NUP160: variants seen among roughly 807,000 people sequenced by gnomAD.
NUP160 encodes nuclear pore complex protein Nup160.
In NUP160, 94 loss-of-function variants were observed where a neutral mutation model predicts 196.9. That is an observed-to-expected ratio of 0.48 (90% CI 0.40 to 0.57). The LOEUF is 0.57. Ranked by LOEUF, NUP160 falls within the 20% of genes least tolerant of loss-of-function variation. NUP160 has a pLI of 0.00. For synonymous variants in NUP160, 605 were observed against 619.7 expected, an observed-to-expected ratio of 0.98 and a Z score of 0.35; for missense variants, 1,638 against 1,748.3, an observed-to-expected ratio of 0.94 and a Z score of 1.13.
chr11:47,843,857 C>T (rs1852351920), intron 2 of NUP160, among the ~76,000 whole-genome samples: 1 of 152,134 alleles, frequency 6.6e-6, no homozygotes. Context: ...TATCTTTAGC[C>T]CAACTTCTCC....
intron 21 of NUP160, 193 bp downstream of exon 21, chr11:47,804,356 G>A (rs2097676210): frequency 9.8e-6 from 5 of 512,182 alleles, no homozygotes; most frequent in Admixed American, 4.3e-5. Context: ...ATTTAGCTTC[G>A]TAGATCAGAC....
chr11:47,821,713 G>T lies in NUP160; in HGVS notation c.1277+11C>A. 1 of 1,590,716 alleles carries T rather than the reference G, an allele frequency of 6.3e-7. No individual in the cohort carries two copies. The highest frequency in any genetic ancestry group is 8.6e-7 in the Non-Finnish European group (1 of 1,159,040). Reference sequence around the variant, plus strand: ...GGGTGAGGTAGGATGACAGAATTAAGTGACCCATACTGTTCAAAGTTGATG... The same window carrying T: ...GGGTGAGGTAGGATGACAGAATTAATTGACCCATACTGTTCAAAGTTGATG... On this transcript the variant is annotated intron_variant, in intron 9 of 35. Transcript: ENST00000378460.
intron 9 of NUP160, among the ~76,000 whole-genome samples, chr11:47,820,689 T>C (rs1851839475): frequency 6.6e-6 from 1 of 152,100 alleles, no homozygotes; most frequent in Non-Finnish European, 1.5e-5. Flanking sequence ...GTAGCTGGGA[T>C]TACAGGCACA....
chr11:47,780,518 G>C (rs1192045153), intron 34 of NUP160, 71 bp from the exon 35 acceptor site: 4 of 925,656 alleles, frequency 4.3e-6, no homozygotes, highest in Non-Finnish European at 6.8e-6. Context: ...TGCTTTCATA[G>C]GACTCTGTAG....
chr11:47,801,823 C>G, exon 23 of NUP160: 1 of 1,613,998 alleles, frequency 6.2e-7, no homozygotes, highest in South Asian at 1.1e-5. Flanking sequence ...TGTCATAATA[C>G]TGCAGCCTGG....
chr11:47,818,316 G>A (rs1851779512), intron 10 of NUP160, among the ~76,000 whole-genome samples, 192 bp from the exon 11 acceptor site: 2 of 152,194 alleles, frequency 1.3e-5, no homozygotes, highest in Non-Finnish European at 2.9e-5. Context: ...GTCAACTAGA[G>A]GTACTATACT....
At chr11:47,841,694 T>C in intron 2 of NUP160, 1 of 299,512 alleles carries the variant, frequency 3.3e-6, no homozygotes. Context: ...TTTGTTTGTT[T>C]GTTTGTTTTT....
intron 2 of NUP160, among the ~76,000 whole-genome samples, chr11:47,847,537 G>A (rs1381235320): frequency 2.7e-5 from 4 of 150,422 alleles, no homozygotes; most frequent in Non-Finnish European, 5.9e-5. Context: ...AAGCTGTAAA[G>A]CACTATAAAA....
chr11:47,826,230 C>T (rs530145323), intron 7 of NUP160, among the ~76,000 whole-genome samples: 9 of 152,284 alleles, frequency 5.9e-5, no homozygotes, highest in African/African-American at 2.2e-4. Context: ...CTGCATCAGC[C>T]CCGAGTAGCC....
chr11:47,791,233 T>C (rs2135349244), intron 29 of NUP160, among the ~76,000 whole-genome samples: 1 of 152,276 alleles, frequency 6.6e-6, no homozygotes, highest in East Asian at 1.9e-4. Context: ...CCGGCCTCAA[T>C]CTACAGTAGA....
At chr11:47,803,142 A>AAATAAT (rs55654627) in intron 22 of NUP160, among the ~76,000 whole-genome samples, 18,464 of 138,864 alleles carry the variant, frequency 0.13, 1,353 homozygotes, top group Middle Eastern at 0.16. Flanking sequence ...TGATTTTACA[A>AAATAAT]AATAATAATA....
At chr11:47,808,212 C>T (rs935590654) in intron 18 of NUP160, among the ~76,000 whole-genome samples, 184 bp downstream of exon 18, 4 of 151,616 alleles carry the variant, frequency 2.6e-5, no homozygotes, top group East Asian at 1.9e-4. Flanking sequence ...ACCTGGGAGG[C>T]GGAGGTTGCA....
chr11:47,837,665 A>G, intron 4 of NUP160, 42 bp from the exon 5 acceptor site: 1 of 1,466,220 alleles, frequency 6.8e-7, no homozygotes, highest in Non-Finnish European at 9.6e-7. Flanking sequence ...CACTTAGAGA[A>G]ACCCAAAGGC....
chr11:47,844,997 G>A (rs1343039928), intron 2 of NUP160, among the ~76,000 whole-genome samples: 1 of 152,302 alleles, frequency 6.6e-6, no homozygotes, highest in East Asian at 1.9e-4. Context: ...AAATGCCATG[G>A]CAACATCAGG....
At chr11:47,813,163 T>C (rs1467658535) in intron 14 of NUP160, 116 bp from the exon 15 acceptor site, 3 of 976,714 alleles carry the variant, frequency 3.1e-6, no homozygotes, top group African/African-American at 1.6e-5. Context: ...GTCTCAGAGA[T>C]GCTTTGGTCT....
Position 47,779,203 on chromosome 11 carries a change from G to C in NUP160, c.4222-9C>G. The C allele has an allele frequency of 6.4e-7, 1 of 1,556,874 alleles. No homozygotes were observed. The highest frequency in any genetic ancestry group is 8.8e-7 in the Non-Finnish European group (1 of 1,130,398). ...AGTATTTTCTGGGACAGCTATAAGA[G>C]AAAAGAAGGAAAACATTACATAACA... On this transcript the variant is annotated splice_polypyrimidine_tract_variant and intron_variant, in intron 35 of 35. Coordinates refer to ENST00000378460, the Ensembl canonical transcript of NUP160.
intron 7 of NUP160, among the ~76,000 whole-genome samples, chr11:47,835,364 A>G (rs1277060094): frequency 3.9e-5 from 6 of 152,218 alleles, no homozygotes; most frequent in Non-Finnish European, 8.8e-5. Context: ...CATAACACCT[A>G]CATCCCTTTC....
In NUP160 at chr11:47,813,527, A is replaced by C. The variant is rs1599326710; in HGVS notation, c.1687-112T>G. 4.5e-6 allele frequency: 3 copies of C among 665,198 alleles called. No individual in the cohort carries two copies. In the East Asian group the frequency reaches 8.2e-5, roughly 18 times the overall value. The allele number at this position is 665,198 out of a possible 1,614,324, so 41.2% of individuals were successfully genotyped here. On this transcript the variant is annotated intron_variant, in intron 13 of 35. Transcript: ENST00000378460. Reference sequence around the variant, plus strand: ...AAACCCAAGTTGCAATACACTCTATAAAATAATAGGTGTAAGTCTTGGCTG... The same window carrying C: ...AAACCCAAGTTGCAATACACTCTATCAAATAATAGGTGTAAGTCTTGGCTG...
chr11:47,813,460 T>A, intron 13 of NUP160, 45 bp from the exon 14 acceptor site: 1 of 1,273,176 alleles, frequency 7.9e-7, no homozygotes, highest in Non-Finnish European at 1.1e-6. Context: ...AGTAAAATTT[T>A]AAAGGTATAA....
Sources: allele counts gnomAD v4.1 joint callset (sites outside exome capture counted in the v4.1 genomes callset), GRCh38; gene constraint gnomAD v4.1.1; transcripts MANE v1.5; gene names NCBI Gene and HGNC (gene_info 2026-07-23, HGNC 2026-07-21).